Variants in PCBP3 observed in about 807,000 individuals in gnomAD.
The protein encoded by PCBP3 is poly(rC)-binding protein 3.
In PCBP3, 25 loss-of-function variants were observed where a neutral mutation model predicts 52.7. That is an observed-to-expected ratio of 0.47 (90% CI 0.35 to 0.66). The LOEUF (loss-of-function observed/expected upper bound fraction) is 0.66. Ranked by LOEUF, PCBP3 falls within the 30% of genes least tolerant of loss-of-function variation. PCBP3 has a pLI of 0.01. For synonymous variants in PCBP3, 162 were observed against 183.0 expected (o/e 0.89, Z 0.93); for missense variants, 391 against 490.3 (o/e 0.80, Z 1.91).
At chr21:45,705,004 T>C (rs1433297941) in intron 2 of PCBP3, among the ~76,000 whole-genome samples, 1 of 152,180 alleles carries the variant, frequency 6.6e-6, no homozygotes, top group African/African-American at 2.4e-5. Flanking sequence ...CTGGCTTCGG[T>C]GTGCTGATTC....
intron 4 of PCBP3, among the ~76,000 whole-genome samples, chr21:45,769,984 T>G (rs1048625537): frequency 2.0e-5 from 3 of 152,062 alleles, no homozygotes; most frequent in African/African-American, 7.2e-5. Context: ...CTGCAGGAGG[T>G]TTTGTTTAGC....
At chr21:45,934,091 GC>G (rs1467002560) in intron 15 of PCBP3, among the ~76,000 whole-genome samples, 1 of 152,146 alleles carries the variant, frequency 6.6e-6, no homozygotes, top group African/African-American at 2.4e-5. Context: ...GCAGGAACCA[GC>G]AAGAGGGAAG....
rs563277789 is a variant in PCBP3, at chr21:45,797,981, A to G, written c.-126+42529A>G. ...ATAGAGAGAGTGAATGGATGTGTAC[A>G]TGGATGAACGCATGGATCTGTAGAG... is the stretch of plus-strand genomic sequence containing the variant. On this transcript the variant is annotated intron_variant, in intron 4 of 17. Coordinates refer to ENST00000681687, the MANE Select transcript of PCBP3 (RefSeq NM_001384156.1). 2.9e-5 allele frequency among the ~76,000 whole-genome samples: 4 copies of G among 136,544 alleles called. No individual in the cohort carries two copies. In the East Asian group the frequency reaches 7.0e-4, roughly 24 times the overall value. The allele number at this position is 136,544 out of a possible 152,430, so 89.6% of individuals were successfully genotyped here.
At chr21:45,790,111 G>A (rs1049437628) in intron 4 of PCBP3, among the ~76,000 whole-genome samples, 1 of 152,168 alleles carries the variant, frequency 6.6e-6, no homozygotes, top group Non-Finnish European at 1.5e-5. Flanking sequence ...CTGCACTCCA[G>A]CTTGGGCGAC....
intron 3 of PCBP3, among the ~76,000 whole-genome samples, chr21:45,742,446 T>C (rs2086522991): frequency 6.6e-6 from 1 of 152,226 alleles, no homozygotes; most frequent in Admixed American, 6.5e-5. Flanking sequence ...CTCATAAGCA[T>C]TCTTGCATTA....
chr21:45,663,969 A>G (rs1002947850), intron 1 of PCBP3, among the ~76,000 whole-genome samples: 4 of 148,748 alleles, frequency 2.7e-5, no homozygotes, highest in Admixed American at 2.0e-4. Context: ...TGTTCATTTT[A>G]TTATACTGAT....
At chr21:45,675,082 A>G (rs2081384629) in intron 2 of PCBP3, among the ~76,000 whole-genome samples, 2 of 152,232 alleles carry the variant, frequency 1.3e-5, no homozygotes, top group South Asian at 4.1e-4. Flanking sequence ...TAAGATCCCA[A>G]GAAACTTTCC....
chr21:45,909,964 C>A (rs1256112809), intron 10 of PCBP3, among the ~76,000 whole-genome samples: 7 of 85,826 alleles, frequency 8.2e-5, no homozygotes, highest in Non-Finnish European at 1.4e-4. Flanking sequence ...ACGGACCCCC[C>A]CACACACACT....
intron 2 of PCBP3, among the ~76,000 whole-genome samples, chr21:45,671,023 T>C (rs918630309): frequency 2.0e-5 from 3 of 152,186 alleles, no homozygotes; most frequent in Admixed American, 2.0e-4. Context: ...TCAGCCATGT[T>C]GGCCCAAAAG....
chr21:45,826,206 C>T (rs949623559), intron 4 of PCBP3, among the ~76,000 whole-genome samples: 2 of 150,718 alleles, frequency 1.3e-5, no homozygotes, highest in African/African-American at 2.4e-5. Flanking sequence ...TGTGGTGAGC[C>T]GAGATTGCGG....
chr21:45,754,619 C>T (rs1483845453), intron 3 of PCBP3, among the ~76,000 whole-genome samples: 1 of 152,178 alleles, frequency 6.6e-6, no homozygotes, highest in East Asian at 1.9e-4. Flanking sequence ...CACATAAAGA[C>T]TTAAATGCTA....
intron 1 of PCBP3, among the ~76,000 whole-genome samples, chr21:45,666,481 C>T (rs530079713): frequency 1.3e-5 from 2 of 152,086 alleles, no homozygotes; most frequent in African/African-American, 4.8e-5. Flanking sequence ...TCTGTACTAT[C>T]TAGTGTCCTT....
At chr21:45,650,455 C>A (rs1319421825) in intron 1 of PCBP3, among the ~76,000 whole-genome samples, 1 of 152,008 alleles carries the variant, frequency 6.6e-6, no homozygotes, top group African/African-American at 2.4e-5. Context: ...GTAATAATTT[C>A]TTTCTTTTTT....
chr21:45,910,708 C>G lies in PCBP3; in HGVS notation c.472-194C>G, dbSNP rs549082267. Among the ~76,000 whole-genome samples, 4 of 152,290 alleles carry G rather than the reference C, an allele frequency of 2.6e-5. No homozygotes were observed. In the Middle Eastern group the frequency reaches 0.01, roughly 388 times the overall value. On this transcript the variant is annotated intron_variant, in intron 10 of 17. Transcript: ENST00000681687. ...AGTGCGCCCGAGGGAAGGCACAGGG[C>G]CGGGTGCCAGGCCGTGGTAGCAGGG...
chr21:45,864,702 G>A (rs1242298311), intron 5 of PCBP3, among the ~76,000 whole-genome samples: 1 of 152,168 alleles, frequency 6.6e-6, no homozygotes, highest in East Asian at 1.9e-4. Flanking sequence ...TAGCTTGCCA[G>A]AGCCAAAGTC....
At chr21:45,689,775 AG>A (rs2082356855) in intron 2 of PCBP3, among the ~76,000 whole-genome samples, 1 of 152,140 alleles carries the variant, frequency 6.6e-6, no homozygotes, top group South Asian at 2.1e-4. Context: ...CATTTATAAT[AG>A]TACCCCAGAA....
intron 2 of PCBP3, among the ~76,000 whole-genome samples, chr21:45,703,213 C>T (rs577352287): frequency 6.6e-6 from 1 of 152,368 alleles, no homozygotes; most frequent in African/African-American, 2.4e-5. Flanking sequence ...GTGACCTCCT[C>T]CCATGAGTCA....
intron 5 of PCBP3, among the ~76,000 whole-genome samples, chr21:45,886,374 G>A (rs1359789388): frequency 1.4e-5 from 2 of 143,214 alleles, no homozygotes; most frequent in East Asian, 2.1e-4. Flanking sequence ...CCTCATTGCC[G>A]CGGGTGCCAA....
intron 4 of PCBP3, among the ~76,000 whole-genome samples, chr21:45,776,971 G>A (rs2090309205): frequency 1.3e-5 from 2 of 152,070 alleles, no homozygotes; most frequent in African/African-American, 4.8e-5. Context: ...TACCATTTAA[G>A]CCATTTCTGT....
Sources: allele counts gnomAD v4.1 joint callset (sites outside exome capture counted in the v4.1 genomes callset), GRCh38; gene constraint gnomAD v4.1.1; transcripts MANE v1.5; gene names NCBI Gene and HGNC (gene_info 2026-07-23, HGNC 2026-07-21).